GUCY1A2: variants seen among roughly 807,000 people sequenced by gnomAD.
The protein encoded by GUCY1A2 is guanylate cyclase 1 soluble subunit alpha 2, also known as guanylate cyclase soluble subunit alpha-2.
In GUCY1A2, 27 loss-of-function variants were observed where a neutral mutation model predicts 63.5. The ratio of observed to expected loss-of-function variants is 0.43; its 90% CI spans 0.31 to 0.59. The LOEUF is 0.59. GUCY1A2 is among the 20% of genes least tolerant of loss of function. GUCY1A2 has a pLI of 0.11. For synonymous variants in GUCY1A2, 364 were observed against 343.5 expected (o/e 1.06, Z -0.66); for missense variants, 768 against 913.3 (o/e 0.84, Z 2.05).
At chr11:106,850,418 G>A (rs1859336377) in intron 4 of GUCY1A2, among the ~76,000 whole-genome samples, 1 of 151,726 alleles carries the variant, frequency 6.6e-6, no homozygotes, top group South Asian at 2.1e-4. Flanking sequence ...CATATTCACT[G>A]TAAGGTGCTG....
At chr11:106,968,966 A>G (rs1343282731) in intron 3 of GUCY1A2, among the ~76,000 whole-genome samples, 1 of 152,104 alleles carries the variant, frequency 6.6e-6, no homozygotes, top group Non-Finnish European at 1.5e-5. Context: ...GCACTCCAAA[A>G]CACCTATAAA....
chr11:106,769,536 C>G (rs918605953), intron 6 of GUCY1A2, among the ~76,000 whole-genome samples: 17 of 152,068 alleles, frequency 1.1e-4, no homozygotes, highest in African/African-American at 4.1e-4. Context: ...AATATTAATA[C>G]TTTAAATAAA....
Position 106,939,642 on chromosome 11 carries a change from A to G in GUCY1A2, c.1024T>C (p.Leu342=), listed in dbSNP as rs987446628. ...MFDPSMSVLQ[L]GEGLRKQLRC... is the part of the protein sequence containing the mutation. ...AGCTGCTTCCTTAGACCTTCCCCCA[A>G]CTGAAGGACTGACATGCTGGGATCA... The change falls in exon 4 of 8, where the codon TTG becomes CTG. Residue 342 remains leucine, a synonymous_variant. Coordinates refer to ENST00000526355, the MANE Select transcript of GUCY1A2 (RefSeq NM_000855.3). 7 of 1,613,722 alleles carry G rather than the reference A, an allele frequency of 4.3e-6. No homozygotes were observed. Among genetic ancestry groups the G allele is most frequent in the Non-Finnish European group, 5.1e-6 (6 of 1,179,812 alleles).
At chr11:106,883,650 T>C (rs1305793735) in intron 4 of GUCY1A2, among the ~76,000 whole-genome samples, 1 of 152,156 alleles carries the variant, frequency 6.6e-6, no homozygotes, top group Non-Finnish European at 1.5e-5. Flanking sequence ...TTTAGGCTTG[T>C]ATATGCTATT....
At chr11:107,015,738 C>T (rs987907152) in intron 1 of GUCY1A2, among the ~76,000 whole-genome samples, 8 of 152,036 alleles carry the variant, frequency 5.3e-5, no homozygotes, top group African/African-American at 1.4e-4. Context: ...AGCCTACAGA[C>T]GCTCGGGGTC....
chr11:106,865,509 A>G (rs1341712760), intron 4 of GUCY1A2, among the ~76,000 whole-genome samples: 1 of 152,052 alleles, frequency 6.6e-6, no homozygotes, highest in Non-Finnish European at 1.5e-5. Context: ...AGGGACATGG[A>G]TGAAGCTGGA....
At chr11:106,751,487 G>GGACTT (rs895803768) in intron 6 of GUCY1A2, among the ~76,000 whole-genome samples, 1 of 150,680 alleles carries the variant, frequency 6.6e-6, no homozygotes, top group Non-Finnish European at 1.5e-5. Context: ...TCCCTTCATG[G>GGACTT]GACTTGACAC....
intron 3 of GUCY1A2, among the ~76,000 whole-genome samples, chr11:106,977,168 G>A (rs1004893813): frequency 6.6e-6 from 1 of 152,136 alleles, no homozygotes; most frequent in Non-Finnish European, 1.5e-5. Context: ...TCCCTTCACT[G>A]AGATTCTGAT....
intron 3 of GUCY1A2, among the ~76,000 whole-genome samples, chr11:106,953,222 G>A (rs1259131136): frequency 6.6e-6 from 1 of 152,022 alleles, no homozygotes. Flanking sequence ...TTTATTGAGA[G>A]TTAACATGAA....
At chr11:106,756,109 C>T (rs1863969323) in intron 6 of GUCY1A2, among the ~76,000 whole-genome samples, 1 of 152,152 alleles carries the variant, frequency 6.6e-6, no homozygotes, top group Admixed American at 6.5e-5. Flanking sequence ...TAATGGCCTT[C>T]TTTGTCTCTT....
rs1862379975 is a variant in GUCY1A2 at position 106,678,347 on chromosome 11, A to G, written c.*9202T>C. 4.8e-6 allele frequency: 1 copy of G among 209,192 alleles called. No individual in the cohort carries two copies. The highest frequency in any genetic ancestry group is 5.9e-5 in the Admixed American group (1 of 16,890). The allele number at this position is 209,192 out of a possible 1,614,324, so 13.0% of individuals were successfully genotyped here. ...AAAAAATTCAGAAGGAGGGTTTCAC[A>G]TTATTGATAAATCAACTAGCTGTTT... On this transcript the variant is annotated 3_prime_UTR_variant, in exon 8 of 8. Transcript: ENST00000526355.
rs1295120853 is a variant in GUCY1A2 at position 106,884,782 on chromosome 11, A to G, written c.1206+54678T>C. Among the ~76,000 whole-genome samples the G allele has an allele frequency of 2.6e-5, 4 of 151,982 alleles. No homozygotes were observed. The South Asian group carries it at 8.3e-4, about 31-fold the overall frequency. ...TATAATTTTTAACCCATTTAAAAAC[A>G]AAAAAAGACACTTCATATCAGAGTA... On this transcript the variant is annotated intron_variant, in intron 4 of 7. Transcript: ENST00000526355.
intron 3 of GUCY1A2, among the ~76,000 whole-genome samples, chr11:106,961,307 G>T (rs1309774196): frequency 6.6e-6 from 1 of 151,918 alleles, no homozygotes; most frequent in Non-Finnish European, 1.5e-5. Flanking sequence ...GAAGCAGGAA[G>T]AAAACAGCAC....
chr11:106,884,807 AC>A (rs1299091837), intron 4 of GUCY1A2, among the ~76,000 whole-genome samples: 3 of 152,244 alleles, frequency 2.0e-5, no homozygotes, highest in Admixed American at 6.6e-5. Context: ...ATATCAGAGT[AC>A]CTTGTTTTAA....
intron 4 of GUCY1A2, among the ~76,000 whole-genome samples, chr11:106,816,609 A>G (rs1324724620): frequency 6.6e-6 from 1 of 151,542 alleles, no homozygotes; most frequent in East Asian, 2.0e-4. Context: ...ACCATAAGAG[A>G]GGTAATCAAT....
chr11:106,803,466 A>T (rs1389937711), intron 5 of GUCY1A2, among the ~76,000 whole-genome samples: 1 of 152,206 alleles, frequency 6.6e-6, no homozygotes, highest in Non-Finnish European at 1.5e-5. Flanking sequence ...TAAGCATTTT[A>T]TCTATTTCTA....
intron 4 of GUCY1A2, among the ~76,000 whole-genome samples, chr11:106,853,945 C>T (rs1306799437): frequency 1.3e-5 from 2 of 152,208 alleles, no homozygotes; most frequent in African/African-American, 2.4e-5. Flanking sequence ...GTGACACTGG[C>T]TGCAGTTGTT....
rs562236968 is a variant in GUCY1A2 at position 106,750,131 on chromosome 11, G to A, written c.1836+26308C>T. The stretch of plus-strand genomic sequence containing the variant: ...GCTGCAGAAGGCCTGACAGCCCTGG[G>A]GAAGCCACTGGTGCAAGTCACAGAT... On this transcript the variant is annotated intron_variant, in intron 6 of 7. Transcript: ENST00000526355. Among the ~76,000 whole-genome samples the A allele has an allele frequency of 5.3e-5, 8 of 152,182 alleles. No homozygotes were observed. The South Asian group carries it at 1.7e-3, about 32-fold the overall frequency.
intron 4 of GUCY1A2, among the ~76,000 whole-genome samples, chr11:106,928,477 T>C (rs1860558315): frequency 6.6e-6 from 1 of 151,390 alleles, no homozygotes; most frequent in African/African-American, 2.4e-5. Context: ...GACCCCCCTG[T>C]ATCTCCAAGG....
Sources: allele counts gnomAD v4.1 joint callset (sites outside exome capture counted in the v4.1 genomes callset), GRCh38; gene constraint gnomAD v4.1.1; transcripts MANE v1.5; gene names NCBI Gene and HGNC (gene_info 2026-07-23, HGNC 2026-07-21).